Variants in KAZN observed in about 807,000 individuals in gnomAD.
KAZN encodes the protein kazrin, periplakin interacting protein, also known as kazrin.
KAZN carries 40 observed loss-of-function variants against 87.4 expected under a neutral mutation model. The ratio of observed to expected loss-of-function variants is 0.46; its 90% confidence interval spans 0.36 to 0.60. The LOEUF (loss-of-function observed/expected upper bound fraction) is 0.60. Ranked by LOEUF, KAZN falls within the 20% of genes least tolerant of loss-of-function variation. The pLI is 0.00. For missense variants in KAZN, 898 were observed against 1,073.9 expected (o/e 0.84, Z 2.29); for synonymous variants, 466 against 458.3 (o/e 1.02, Z -0.22).
intron 2 of KAZN, among the ~76,000 whole-genome samples, chr1:15,001,233 G>A (rs1395619286): frequency 6.6e-6 from 1 of 151,864 alleles, no homozygotes; most frequent in East Asian, 1.9e-4. Context: ...AGGCTGACGC[G>A]GGTGGATCAC....
At chr1:14,051,475 G>A (rs1394209936) in intron 1 of KAZN, among the ~76,000 whole-genome samples, 1 of 152,194 alleles carries the variant, frequency 6.6e-6, no homozygotes, top group Non-Finnish European at 1.5e-5. Flanking sequence ...AAATTTCTGG[G>A]AAGTAATATG....
intron 2 of KAZN, among the ~76,000 whole-genome samples, chr1:14,995,847 C>T (rs975465058): frequency 1.3e-5 from 2 of 152,018 alleles, no homozygotes; most frequent in South Asian, 2.1e-4. Flanking sequence ...AACTGGTGAC[C>T]GACAGAGAGA....
intron 1 of KAZN, among the ~76,000 whole-genome samples, chr1:14,102,025 G>A (rs1390834564): frequency 6.6e-6 from 1 of 152,058 alleles, no homozygotes; most frequent in African/African-American, 2.4e-5. Context: ...CTTCAAAGAA[G>A]ATGAAGCTTA....
chr1:14,836,026 T>C lies in KAZN; in HGVS notation c.227-124658T>C, dbSNP rs540811642. On this transcript the variant is annotated intron_variant, in intron 1 of 14. Transcript: ENST00000376030. ...GGATCTCATTAGGCAAACAGACCCT[T>C]GTGGGCCAGTTGGATGACAGCAGGC... Among the ~76,000 whole-genome samples, 3 of 152,264 alleles carry C rather than the reference T, an allele frequency of 2.0e-5. No homozygotes were observed. In the East Asian group the frequency reaches 5.8e-4, roughly 29 times the overall value.
chr1:14,502,299 C>T (rs984959347), intron 2 of KAZN, among the ~76,000 whole-genome samples: 1 of 152,126 alleles, frequency 6.6e-6, no homozygotes, highest in East Asian at 1.9e-4. Context: ...TATCTTCATT[C>T]ATTTATTCAC....
chr1:14,540,637 T>A (rs946708064), intron 2 of KAZN, among the ~76,000 whole-genome samples: 10 of 152,196 alleles, frequency 6.6e-5, no homozygotes, highest in African/African-American at 2.4e-4. Context: ...TCTGTTTTGT[T>A]TTTAACATAA....
At chr1:14,825,609 G>T (rs559817622) in intron 1 of KAZN, among the ~76,000 whole-genome samples, 1 of 152,264 alleles carries the variant, frequency 6.6e-6, no homozygotes, top group South Asian at 2.1e-4. Flanking sequence ...GAGGCACAAA[G>T]AGACTAAGTC....
chr1:14,421,497 T>C (rs1488986994), intron 2 of KAZN, among the ~76,000 whole-genome samples: 1 of 152,184 alleles, frequency 6.6e-6, no homozygotes, highest in African/African-American at 2.4e-5. Context: ...AAGACCCTAC[T>C]ATGCACAGTT....
At chr1:14,762,332 A>G (rs1289624741) in intron 1 of KAZN, among the ~76,000 whole-genome samples, 1 of 152,172 alleles carries the variant, frequency 6.6e-6, no homozygotes, top group Non-Finnish European at 1.5e-5. Flanking sequence ...GTTTGGTAGT[A>G]GCCATGAAGG....
intron 14 of KAZN, 76 bp from the exon 15 acceptor site, chr1:15,114,395 A>C (rs1275177936): frequency 1.7e-6 from 2 of 1,203,190 alleles, no homozygotes; most frequent in Non-Finnish European, 2.4e-6. Context: ...TTAGAATTGG[A>C]GACATTTCCC....
chr1:13,947,969 G>A (rs1641208598), intron 1 of KAZN, among the ~76,000 whole-genome samples: 1 of 152,182 alleles, frequency 6.6e-6, no homozygotes. Context: ...TCTGGGGTTA[G>A]GATGTCAACA....
intron 1 of KAZN, among the ~76,000 whole-genome samples, chr1:14,626,440 T>G (rs1297322494): frequency 1.3e-5 from 2 of 152,220 alleles, no homozygotes; most frequent in Non-Finnish European, 2.9e-5. Flanking sequence ...ATTGTGTTGT[T>G]TGGTGTACCT....
At chr1:14,133,303 G>T (rs150447850) in intron 1 of KAZN, among the ~76,000 whole-genome samples, 2,610 of 149,818 alleles carry the variant, frequency 0.017, 101 homozygotes, top group African/African-American at 0.061. Context: ...GGAGGCAGAG[G>T]TTGCAGTGAG....
At chr1:15,015,421 G>A (rs113300505) in intron 2 of KAZN, among the ~76,000 whole-genome samples, 4,499 of 152,216 alleles carry the variant, frequency 0.03, 255 homozygotes, top group African/African-American at 0.1. Flanking sequence ...AAAGTGTTGG[G>A]ATTATAGGCG....
chr1:13,901,362 C>T (rs771451691), intron 1 of KAZN, among the ~76,000 whole-genome samples: 14 of 152,198 alleles, frequency 9.2e-5, no homozygotes, highest in Admixed American at 1.3e-4. Context: ...CATCTGATCC[C>T]GGAGGAAGCA....
intron 1 of KAZN, among the ~76,000 whole-genome samples, chr1:14,014,976 G>T (rs901121581): frequency 1.2e-4 from 18 of 152,138 alleles, no homozygotes; most frequent in African/African-American, 3.9e-4. Context: ...ATTTTATGAT[G>T]AGATCTCTTT....
chr1:14,385,618 C>T lies in KAZN; in HGVS notation c.249+205026C>T, dbSNP rs1018502625. Among the ~76,000 whole-genome samples, 10 of 152,020 alleles carry T rather than the reference C, an allele frequency of 6.6e-5. No individual in the cohort carries two copies. The East Asian group carries it at 7.7e-4, about 12-fold the overall frequency. On this transcript the variant is annotated intron_variant, in intron 2 of 16. Coordinates refer to the KAZN transcript ENST00000636203. The stretch of plus-strand genomic sequence containing the variant: ...GTTGTTTGGTTTCCATGTAGTTGAG[C>T]GGTTTTGAGTGAGATTCTTAATCCT...
intron 2 of KAZN, among the ~76,000 whole-genome samples, chr1:14,402,088 T>TA (rs36103725): frequency 2.0e-5 from 3 of 150,338 alleles, no homozygotes; most frequent in Non-Finnish European, 4.4e-5. Context: ...TGAGTCTATG[T>TA]AAAAAAAAAA....
intron 4 of KAZN, among the ~76,000 whole-genome samples, chr1:15,050,740 A>T (rs1674309128): frequency 6.6e-6 from 1 of 152,136 alleles, no homozygotes; most frequent in African/African-American, 2.4e-5. Flanking sequence ...GCCGCCCTGC[A>T]TGAGGGCAGG....
Sources: gnomAD v4.1 joint callset for allele counts (sites outside exome capture counted in the v4.1 genomes callset) on GRCh38, gnomAD v4.1.1 for gene constraint, MANE v1.5 for transcripts, NCBI Gene and HGNC (gene_info 2026-07-23, HGNC 2026-07-21) for gene names.